TDRD10: variants seen among roughly 807,000 people sequenced by gnomAD.
TDRD10 encodes the protein tudor domain-containing protein 10.
Under a neutral mutation model 48.0 loss-of-function variants are expected in TDRD10, and 40 were observed. That is an observed-to-expected ratio of 0.83 (90% confidence interval 0.65 to 1.09). The LOEUF (loss-of-function observed/expected upper bound fraction) is 1.09, where lower values mean the gene tolerates loss of function less well. Among genes scored for constraint, TDRD10 ranks in the 50% least tolerant of loss-of-function variants. TDRD10 has a pLI of 0.00. For synonymous variants in TDRD10, 162 were observed against 170.4 expected (o/e 0.95, Z 0.38); for missense variants, 378 against 434.7 (o/e 0.87, Z 1.16).
chr1:154,544,105 A>ACC lies in TDRD10; in HGVS notation c.647_648insCC (p.Glu217LeufsTer83). On this transcript the variant is annotated frameshift_variant, in exon 9 of 13. Coordinates refer to ENST00000368482, the MANE Select transcript of TDRD10 (RefSeq NM_182499.4). LOFTEE classifies it high-confidence loss of function. ...CCCGTTTTTCTGGGCTATGCACGTC[A>ACC]CTGAGGTATGGACTGGTTGTTGGCC... The ACC allele has an allele frequency of 6.2e-7, 1 of 1,614,106 alleles. No homozygotes were observed.
At chr1:154,538,889 C>T (rs148179718) in intron 6 of TDRD10, among the ~76,000 whole-genome samples, 39 of 151,794 alleles carry the variant, frequency 2.6e-4, no homozygotes, top group African/African-American at 8.2e-4. Flanking sequence ...AGAGGCAGAA[C>T]GTGGTTGGTT....
intron 4 of TDRD10, among the ~76,000 whole-genome samples, chr1:154,519,081 TGAGTA>T (rs1693919740): frequency 6.6e-6 from 1 of 152,200 alleles, no homozygotes; most frequent in Non-Finnish European, 1.5e-5. Context: ...CTCTGTGCAA[TGAGTA>T]TAGTAATAAT....
chr1:154,518,048 C>A (rs1183334284), intron 4 of TDRD10, among the ~76,000 whole-genome samples: 1 of 152,202 alleles, frequency 6.6e-6, no homozygotes, highest in African/African-American at 2.4e-5. Flanking sequence ...GTGCAGTAAC[C>A]TCCTGCCTGT....
intron 6 of TDRD10, among the ~76,000 whole-genome samples, chr1:154,525,252 T>C (rs1000965057): frequency 1.3e-5 from 2 of 152,190 alleles, no homozygotes; most frequent in Non-Finnish European, 2.9e-5. Context: ...GAATCATGGC[T>C]CTCACCTTTT....
At chr1:154,537,502 C>T (rs566004399) in intron 6 of TDRD10, among the ~76,000 whole-genome samples, 64 of 152,274 alleles carry the variant, frequency 4.2e-4, no homozygotes, top group African/African-American at 1.3e-3. Flanking sequence ...CAGGATGGGC[C>T]CCTCAGGTGT....
chr1:154,547,638 G>C (rs750184686), intron 12 of TDRD10, 40 bp from the exon 13 acceptor site: 6 of 1,614,184 alleles, frequency 3.7e-6, no homozygotes, highest in Non-Finnish European at 4.2e-6. Context: ...TGGCTCGGGT[G>C]GGCCTTCCTT....
intron 7 of TDRD10, 84 bp downstream of exon 7, chr1:154,542,150 C>T: frequency 1.4e-6 from 2 of 1,419,716 alleles, no homozygotes; most frequent in South Asian, 1.2e-5. Context: ...TGCAGCCTCC[C>T]TTCCAGCTCA....
At chr1:154,515,150 G>C (rs1693691687) in intron 4 of TDRD10, among the ~76,000 whole-genome samples, 1 of 152,194 alleles carries the variant, frequency 6.6e-6, no homozygotes, top group Middle Eastern at 3.4e-3. Context: ...TTATAGGAGT[G>C]AGCCACCACG....
chr1:154,544,517 G>A lies in TDRD10; in HGVS notation c.797G>A (p.Arg266Lys), dbSNP rs1695441815. 6.2e-7 allele frequency: 1 copy of A among 1,613,546 alleles called. No homozygotes were observed. The highest frequency in any genetic ancestry group is 1.3e-5 in the African/African-American group (1 of 74,934). The change falls in exon 10 of 13, where the codon AGG (arginine) becomes AAG (lysine). Residue 266 changes from arginine (R) to lysine (K), a missense_variant and splice_region_variant. Arg to Lys is a conservative substitution (Grantham distance 26). Around this residue, in one of 2 missense-constraint regions of TDRD10, gnomAD observed 68 missense variants for 111.1 expected, o/e 0.61. Transcript: ENST00000368482. ...HLGDYGHAWN[R>K]CWVLDRVDTW... is the part of the protein sequence containing the mutation. ...GGGGATTATGGACACGCCTGGAACA[G>A]GTGTGTGCCTGGGCAGGGGTAGAGT...
intron 6 of TDRD10, among the ~76,000 whole-genome samples, chr1:154,523,265 CT>C (rs1363928108): frequency 6.6e-6 from 1 of 152,174 alleles, no homozygotes; most frequent in Non-Finnish European, 1.5e-5. Flanking sequence ...TCTCATCCCC[CT>C]AGCTGTATTT....
In TDRD10 at chr1:154,508,498, A is replaced by C; in HGVS notation, c.141+17A>C. The C allele has an allele frequency of 6.4e-7, 1 of 1,556,954 alleles. No homozygotes were observed. The highest frequency in any genetic ancestry group is 1.1e-5 in the South Asian group (1 of 89,882). On this transcript the variant is annotated intron_variant, in intron 4 of 12. Transcript: ENST00000368482. ...ATTTCTAAGGTATTTATTCTTCACA[A>C]TAGGCTGCTTATCTTCCTTGGCCTT...
Position 154,506,922 on chromosome 1 carries a change from T to C in TDRD10, c.2+17T>C, listed in dbSNP as rs1284184190. 1 of 1,614,098 alleles carries C rather than the reference T, an allele frequency of 6.2e-7. No homozygotes were observed. Among genetic ancestry groups the C allele is most frequent in the East Asian group, 2.2e-5 (1 of 44,896 alleles). On this transcript the variant is annotated intron_variant, in intron 2 of 12. Transcript: ENST00000368482. ...CTGCAGCATGTAAGTCCCTTCCTTTTGCTGATGAGCAAGCCTCGCTCCATC... is the reference window on the plus strand; with the variant it reads ...CTGCAGCATGTAAGTCCCTTCCTTTCGCTGATGAGCAAGCCTCGCTCCATC...
chr1:154,536,642 A>G (rs184490762), intron 6 of TDRD10, among the ~76,000 whole-genome samples: 245 of 152,378 alleles, frequency 1.6e-3, no homozygotes, highest in Non-Finnish European at 2.4e-3. Flanking sequence ...ATCAAGATAG[A>G]GAACATTTCA....
chr1:154,526,660 G>A (rs951772510), intron 6 of TDRD10, among the ~76,000 whole-genome samples: 2 of 151,922 alleles, frequency 1.3e-5, no homozygotes, highest in African/African-American at 4.8e-5. Context: ...TCACCATGTC[G>A]GCCAGGCTGA....
intron 6 of TDRD10, among the ~76,000 whole-genome samples, chr1:154,529,310 G>A (rs1372417800): frequency 6.6e-6 from 1 of 152,102 alleles, no homozygotes; most frequent in African/African-American, 2.4e-5. Flanking sequence ...CTGACCTCAG[G>A]TGATCCACCC....
At chr1:154,547,003 C>A (rs967403915) in intron 11 of TDRD10, among the ~76,000 whole-genome samples, 1 of 152,048 alleles carries the variant, frequency 6.6e-6, no homozygotes. Context: ...GAGCTCCCTG[C>A]CTGGTTCCAG....
intron 6 of TDRD10, among the ~76,000 whole-genome samples, chr1:154,525,885 G>T (rs1238683900): frequency 1.3e-4 from 12 of 90,946 alleles, no homozygotes; most frequent in Admixed American, 3.8e-4. Context: ...AACAGAGCAA[G>T]ATTCCGTCTC....
At chr1:154,547,123 G>C (rs1486355429) in intron 11 of TDRD10, among the ~76,000 whole-genome samples, 1 of 152,198 alleles carries the variant, frequency 6.6e-6, no homozygotes, top group Non-Finnish European at 1.5e-5. Flanking sequence ...TCTGTCCCCA[G>C]TAGAATTTCT....
In TDRD10 at chr1:154,544,460, G is replaced by C; in HGVS notation, c.740G>C (p.Arg247Pro). 6.2e-7 allele frequency: 1 copy of C among 1,613,162 alleles called. No individual in the cohort carries two copies. The highest frequency in any genetic ancestry group is 8.5e-7 in the Non-Finnish European group (1 of 1,179,798). The stretch of plus-strand genomic sequence containing the variant: ...TACCTGGAGGGCTCCACCGTTATGC[G>C]CGGGACTCGCTGTCTGGCAGAGTAC... ...QPYLEGSTVM[R>P]GTRCLAEYHL... The change falls in exon 10 of 13, where the codon CGC (arginine) becomes CCC (proline). Residue 247 changes from arginine (R) to proline (P), a missense_variant. Physicochemically the swap from Arg to Pro is moderately radical, Grantham distance 103 (BLOSUM62 -2). Around this residue, in one of 2 missense-constraint regions of TDRD10, gnomAD observed 310 missense variants for 323.6 expected, o/e 0.96. Coordinates refer to ENST00000368482, the MANE Select transcript of TDRD10 (RefSeq NM_182499.4).
Sources: allele counts gnomAD v4.1 joint callset (sites outside exome capture counted in the v4.1 genomes callset), GRCh38; gene constraint gnomAD v4.1.1; regional missense constraint gnomAD v4.1.1; transcripts MANE v1.5; gene names NCBI Gene and HGNC (gene_info 2026-07-23, HGNC 2026-07-21).